The following ZFYVE21 variants were observed in gnomAD, a reference collection of about 807,000 sequenced individuals.
ZFYVE21 encodes zinc finger FYVE domain-containing protein 21.
In ZFYVE21, 21 loss-of-function variants were observed where a neutral mutation model predicts 29.5. The ratio of observed to expected loss-of-function variants is 0.71; its 90% CI spans 0.50 to 1.02. ZFYVE21 has a LOEUF of 1.02. Among genes scored for constraint, ZFYVE21 ranks in the 50% least tolerant of loss-of-function variants. The pLI is 0.00. For missense variants in ZFYVE21, 326 were observed against 335.4 expected (o/e 0.97, Z 0.22); for synonymous variants, 151 against 133.8 (o/e 1.13, Z -0.89).
intron 1 of ZFYVE21, among the ~76,000 whole-genome samples, chr14:103,719,491 T>C (rs913670678): frequency 6.7e-6 from 1 of 149,030 alleles, no homozygotes; most frequent in African/African-American, 2.5e-5. Flanking sequence ...AAGGGAATTG[T>C]GTTCCAGTTG....
chr14:103,729,764 G>A (rs1256640178), intron 5 of ZFYVE21: 18 of 1,536,074 alleles, frequency 1.2e-5, no homozygotes, highest in East Asian at 2.4e-5. Flanking sequence ...GCTCCTTCTC[G>A]CCACTGCCTG....
intron 5 of ZFYVE21, chr14:103,731,445 CA>C (rs112857071): frequency 0.1 from 12,246 of 122,980 alleles, 720 homozygotes; most frequent in African/African-American, 0.21. Context: ...ACTAACAATA[CA>C]AAAAAAAAAA....
At chr14:103,726,752 G>T in intron 1 of ZFYVE21, 40 bp from the exon 2 acceptor site, 1 of 1,612,906 alleles carries the variant, frequency 6.2e-7, no homozygotes, top group South Asian at 1.1e-5. Flanking sequence ...CGTGGTGAGT[G>T]ACCAAGCTGC....
intron 1 of ZFYVE21, among the ~76,000 whole-genome samples, chr14:103,724,150 G>A (rs750019388): frequency 8.5e-5 from 13 of 152,252 alleles, no homozygotes; most frequent in Non-Finnish European, 1.3e-4. Flanking sequence ...AGCCATGTCA[G>A]AGGCGCTGGG....
chr14:103,721,500 T>TG (rs2083872252), intron 1 of ZFYVE21, among the ~76,000 whole-genome samples: 1 of 152,228 alleles, frequency 6.6e-6, no homozygotes, highest in Non-Finnish European at 1.5e-5. Flanking sequence ...CAGAGAGGCC[T>TG]GGGCCGAGGC....
intron 1 of ZFYVE21, among the ~76,000 whole-genome samples, chr14:103,720,673 G>A (rs540606820): frequency 6.6e-6 from 1 of 152,292 alleles, no homozygotes; most frequent in African/African-American, 2.4e-5. Flanking sequence ...TTTGGGGTGG[G>A]CCGGGTGCTG....
At chr14:103,721,091 G>A (rs919586396) in intron 1 of ZFYVE21, among the ~76,000 whole-genome samples, 1 of 152,162 alleles carries the variant, frequency 6.6e-6, no homozygotes, top group Non-Finnish European at 1.5e-5. Context: ...CTCCCGAAGT[G>A]CTGGGATTAC....
At position 103,733,019 on chromosome 14, in the gene ZFYVE21, C is replaced by T. The variant is rs2295146; in HGVS notation, c.*1C>T. On this transcript the variant is annotated 3_prime_UTR_variant, in exon 7 of 7. Coordinates refer to ENST00000311141, the MANE Select transcript of ZFYVE21 (RefSeq NM_024071.4). ...CCTCTATGAATCTCGGGACCAGTAA[C>T]TCTACGTGGGGCTGAGCTTGGAGTA... 0.39 allele frequency: 626,626 copies of T among 1,613,724 alleles called. 123,724 individuals are homozygous for T. The highest frequency in any genetic ancestry group is 0.5 in the African/African-American group (37,791 of 74,940).
intron 1 of ZFYVE21, among the ~76,000 whole-genome samples, chr14:103,723,437 T>A (rs1187148866): frequency 6.6e-6 from 1 of 152,146 alleles, no homozygotes; most frequent in African/African-American, 2.4e-5. Flanking sequence ...TTTAGATGCT[T>A]CCAGAAGGCT....
intron 1 of ZFYVE21, among the ~76,000 whole-genome samples, chr14:103,723,486 C>A (rs543972831): frequency 6.6e-6 from 1 of 152,312 alleles, no homozygotes; most frequent in South Asian, 2.1e-4. Flanking sequence ...CAGGAAGCAG[C>A]TTAAAAGCAA....
chr14:103,728,974 A>G lies in ZFYVE21; in HGVS notation c.425A>G (p.Asn142Ser), dbSNP rs977953043. ...KPETMTCRLS[N>S]NQRYLFLDGD... ...GAAACTATGACTTGTCGTCTTTCCA[A>G]TAACCAGAGGTAAGAGCCGGATCCT... is the stretch of plus-strand genomic sequence containing the variant. The change falls in exon 4 of 7, where the codon AAT becomes AGT. Residue 142 changes from asparagine (N) to serine (S), a missense_variant. Transcript: ENST00000311141. The G allele has an allele frequency of 9.3e-6, 15 of 1,613,880 alleles. No individual in the cohort carries two copies. In the African/African-American group the frequency reaches 1.1e-4, roughly 12 times the overall value.
intron 3 of ZFYVE21, 149 bp from the exon 4 acceptor site, chr14:103,728,759 G>A (rs1302243752): frequency 5.4e-6 from 4 of 737,014 alleles, no homozygotes; most frequent in Admixed American, 2.7e-5. Context: ...TTTTTGCTCA[G>A]CTGAAGGGGT....
rs3212019 is a variant in ZFYVE21 at position 103,716,872 on chromosome 14, C to T, written c.138+893C>T. 7.9e-5 allele frequency among the ~76,000 whole-genome samples: 12 copies of T among 152,234 alleles called. No individual in the cohort carries two copies. The South Asian group carries it at 2.5e-3, about 32-fold the overall frequency. ...CTGGCTGTGCGCTAACAGGTGTGTC[C>T]AGTTTCTGTTCTGTGGATTTTACCA... On this transcript the variant is annotated intron_variant, in intron 1 of 6. Coordinates refer to ENST00000311141, the MANE Select transcript of ZFYVE21 (RefSeq NM_024071.4). The surrounding 1 kb of genome is among the most constrained non-coding windows in gnomAD (Gnocchi z 4.8).
intron 1 of ZFYVE21, chr14:103,725,533 C>G (rs1012328845): frequency 2.0e-5 from 3 of 152,348 alleles, no homozygotes; most frequent in Non-Finnish European, 2.9e-5. Flanking sequence ...GGAGGCCCGG[C>G]TGGTTTTTCT....
At chr14:103,728,059 G>A (rs2083945021) in intron 3 of ZFYVE21, 145 bp downstream of exon 3, 3 of 900,468 alleles carry the variant, frequency 3.3e-6, no homozygotes, top group Non-Finnish European at 4.9e-6. Flanking sequence ...TTCTGGATTC[G>A]TTTAGAAGCG....
chr14:103,722,954 G>A (rs2083886422), intron 1 of ZFYVE21, among the ~76,000 whole-genome samples: 1 of 152,166 alleles, frequency 6.6e-6, no homozygotes, highest in East Asian at 1.9e-4. Flanking sequence ...CAGCAGTGTG[G>A]TGTTATATTT....
In ZFYVE21 at chr14:103,733,065, G is replaced by A. The variant is rs768646317; in HGVS notation, c.*47G>A. The A allele has an allele frequency of 6.2e-7, 1 of 1,613,504 alleles. No individual in the cohort carries two copies. Among genetic ancestry groups the A allele is most frequent in the African/African-American group, 1.3e-5 (1 of 74,920 alleles). On this transcript the variant is annotated 3_prime_UTR_variant, in exon 7 of 7. Coordinates refer to ENST00000311141, the MANE Select transcript of ZFYVE21 (RefSeq NM_024071.4). ...GAGTACGTGTGGTCACCAGGACTGA[G>A]TCGCTTGGAACAGCAGAGCCTGCTC... is the stretch of plus-strand genomic sequence containing the variant.
At chr14:103,730,080 C>T (rs373710087) in intron 5 of ZFYVE21, 1 of 555,820 alleles carries the variant, frequency 1.8e-6, no homozygotes, top group African/African-American at 1.9e-5. Context: ...GGAGGGTTAC[C>T]CAGCAATTGA....
intron 1 of ZFYVE21, among the ~76,000 whole-genome samples, chr14:103,720,885 C>T (rs1028437730): frequency 5.9e-5 from 9 of 152,284 alleles, no homozygotes; most frequent in South Asian, 4.1e-4. Flanking sequence ...TGCAGTGGCG[C>T]GATCTCGGCT....
Sources: gnomAD v4.1 joint callset for allele counts (sites outside exome capture counted in the v4.1 genomes callset) on GRCh38, gnomAD v4.1.1 for gene constraint, Gnocchi (gnomAD v3.1) non-coding constraint, MANE v1.5 for transcripts, NCBI Gene and HGNC (gene_info 2026-07-23, HGNC 2026-07-21) for gene names.